Variants in SPAG9 observed in about 807,000 individuals in gnomAD.
SPAG9 encodes the protein sperm associated antigen 9.
SPAG9 carries 35 observed loss-of-function variants against 166.5 expected under a neutral mutation model. The ratio of observed to expected loss-of-function variants is 0.21; its 90% CI spans 0.16 to 0.28. The LOEUF is 0.28. Ranked by LOEUF, SPAG9 falls within the 10% of genes least tolerant of loss-of-function variation. The probability of loss-of-function intolerance (pLI) is 1.00; values close to 1 mark genes in which losing one functional copy is unlikely to be tolerated. For missense variants in SPAG9, 1,235 were observed against 1,603.3 expected (o/e 0.77, Z 3.92); for synonymous variants, 534 against 565.5 (o/e 0.94, Z 0.79).
chr17:51,112,477 C>T (rs1598204042), intron 1 of SPAG9, among the ~76,000 whole-genome samples: 2 of 151,330 alleles, frequency 1.3e-5, no homozygotes, highest in African/African-American at 4.8e-5. Flanking sequence ...TCAAGACCAT[C>T]CTGGCCAACA....
At chr17:51,021,745 CAGA>C (rs2045944745) in intron 6 of SPAG9, among the ~76,000 whole-genome samples, 1 of 152,108 alleles carries the variant, frequency 6.6e-6, no homozygotes, top group African/African-American at 2.4e-5. Flanking sequence ...TGATCTAAAA[CAGA>C]AGTAGAATAA....
intron 19 of SPAG9, 179 bp from the exon 20 acceptor site, chr17:50,990,847 A>G (rs1975483962): frequency 3.4e-6 from 2 of 582,640 alleles, no homozygotes; most frequent in Non-Finnish European, 6.1e-6. Flanking sequence ...AACTTAAAAA[A>G]TTAAGAAAAT....
At chr17:51,105,067 G>A (rs962153379) in intron 1 of SPAG9, among the ~76,000 whole-genome samples, 1 of 152,048 alleles carries the variant, frequency 6.6e-6, no homozygotes, top group African/African-American at 2.4e-5. Context: ...CTGCACTCCA[G>A]CCTAGGCGAC....
At chr17:50,995,697 T>C in intron 16 of SPAG9, 164 bp from the exon 17 acceptor site, 5 of 599,142 alleles carry the variant, frequency 8.3e-6, no homozygotes, top group Non-Finnish European at 1.5e-5. Flanking sequence ...AGGGTCGCTC[T>C]ACTGCCCAGG....
At chr17:51,060,352 A>G (rs1311394403) in intron 2 of SPAG9, among the ~76,000 whole-genome samples, 1 of 151,742 alleles carries the variant, frequency 6.6e-6, no homozygotes, top group Admixed American at 6.6e-5. Context: ...AAAATACAAA[A>G]ATTAGCCAGG....
At chr17:51,112,749 C>T (rs1485957487) in intron 1 of SPAG9, among the ~76,000 whole-genome samples, 1 of 148,512 alleles carries the variant, frequency 6.7e-6, no homozygotes, top group Non-Finnish European at 1.5e-5. Flanking sequence ...CCAGGAGTTC[C>T]AGACCAGACT....
rs1437327823 is a variant in SPAG9 at position 51,089,645 on chromosome 17, TATATATATATATATATATAC to T, written c.304-9961_304-9942del. On this transcript the variant is annotated intron_variant, in intron 1 of 29. Transcript: ENST00000262013. ...TTATATATATATATATATATATATA[TATATATATATATATATATAC>T]ACATACACACACACACTTTCTTTTT... Among the ~76,000 whole-genome samples the T allele has an allele frequency of 7.1e-3, 643 of 90,284 alleles. 7 individuals are homozygous for T. Among genetic ancestry groups the T allele is most frequent in the Non-Finnish European group, 0.01 (485 of 47,602 alleles). 59.2% of individuals were successfully genotyped at this position (90,284 alleles called of 152,430 possible). A position where few individuals can be genotyped will look rare whatever the true frequency, so the allele number is the denominator to read the frequency against.
intron 1 of SPAG9, among the ~76,000 whole-genome samples, chr17:51,109,886 A>AT (rs1480564518): frequency 6.6e-6 from 1 of 151,634 alleles, no homozygotes; most frequent in Admixed American, 6.6e-5. Context: ...TAATTTTTAT[A>AT]TTTTTTGTAG....
At chr17:50,968,821 T>C (rs1308286522) in intron 29 of SPAG9, among the ~76,000 whole-genome samples, 1 of 152,224 alleles carries the variant, frequency 6.6e-6, no homozygotes, top group Non-Finnish European at 1.5e-5. Flanking sequence ...GCATCAGTTC[T>C]CCATGTTTTC....
rs543051317 is a variant in SPAG9, at chr17:50,994,916, T to C, written c.2226+141A>G. 29 of 598,756 alleles carry C rather than the reference T, an allele frequency of 4.8e-5. No individual in the cohort carries two copies. In the South Asian group the frequency reaches 6.1e-4, roughly 13 times the overall value. The allele number at this position is 598,756 out of a possible 1,614,324, so 37.1% of individuals were successfully genotyped here. On this transcript the variant is annotated intron_variant, in intron 18 of 29. Transcript: ENST00000262013. ...TAAATTATACCTCAATATTTTAAAA[T>C]TGATTTTAAAAGGGTGCTGAGGGAC...
chr17:51,032,183 C>G (rs953453861), intron 5 of SPAG9, among the ~76,000 whole-genome samples: 3 of 151,966 alleles, frequency 2.0e-5, no homozygotes, highest in Non-Finnish European at 4.4e-5. Flanking sequence ...TTTTTTGAGA[C>G]ACGGTCTCAC....
chr17:51,069,027 G>T (rs2047747815), intron 2 of SPAG9, among the ~76,000 whole-genome samples: 1 of 151,962 alleles, frequency 6.6e-6, no homozygotes, highest in Admixed American at 6.6e-5. Flanking sequence ...AGAAACAGCT[G>T]ATATATATTG....
chr17:51,090,917 G>C (rs1319539103), intron 1 of SPAG9, among the ~76,000 whole-genome samples: 1 of 152,100 alleles, frequency 6.6e-6, no homozygotes, highest in Non-Finnish European at 1.5e-5. Flanking sequence ...AAATCACATA[G>C]TTCAAGTCTG....
Position 50,987,227 on chromosome 17 carries a change from C to T in SPAG9, c.2824G>A (p.Asp942Asn). 6.2e-7 allele frequency: 1 copy of T among 1,606,676 alleles called. No homozygotes were observed. Among genetic ancestry groups the T allele is most frequent in the Middle Eastern group, 1.7e-4 (1 of 6,040 alleles). ...SPVYQSSNDS[D>N]AYKDQISVLP... ...ACTGATATTTGATCTTTATATGCATCTGAGTCATTGCTGGAAAGGGAGGGC... is the reference window on the plus strand; with the variant it reads ...ACTGATATTTGATCTTTATATGCATTTGAGTCATTGCTGGAAAGGGAGGGC... The change falls in exon 22 of 30, where the codon GAT becomes AAT. Residue 942 changes from aspartate to asparagine, a missense_variant. Asp to Asn is a conservative substitution (Grantham distance 23). This residue lies in a region of SPAG9 where 493 missense variants were observed against 559.4 expected (regional missense o/e 0.88). Coordinates refer to ENST00000262013, the MANE Select transcript of SPAG9 (RefSeq NM_001130528.3).
intron 9 of SPAG9, chr17:51,009,278 C>T (rs2045360272): frequency 5.7e-6 from 2 of 349,038 alleles, no homozygotes; most frequent in South Asian, 2.3e-5. Flanking sequence ...AAACCATTAA[C>T]TAAACACAAT....
At chr17:51,046,061 A>G (rs1372335730) in intron 4 of SPAG9, among the ~76,000 whole-genome samples, 2 of 152,230 alleles carry the variant, frequency 1.3e-5, no homozygotes, top group Non-Finnish European at 2.9e-5. Context: ...ATGATACCTG[A>G]AACTCTATCA....
intron 19 of SPAG9, among the ~76,000 whole-genome samples, chr17:50,992,289 C>T (rs1975644723): frequency 6.6e-6 from 1 of 152,026 alleles, no homozygotes; most frequent in South Asian, 2.1e-4. Context: ...AATATTTGTC[C>T]TTTTGTGTCC....
intron 1 of SPAG9, among the ~76,000 whole-genome samples, chr17:51,116,413 A>G (rs376572738): frequency 5.5e-4 from 83 of 152,188 alleles, no homozygotes; most frequent in African/African-American, 2.0e-3. Context: ...AAACCCTAAC[A>G]TACCCAGTTA....
At chr17:51,091,384 C>A (rs1187292731) in intron 1 of SPAG9, among the ~76,000 whole-genome samples, 1 of 151,998 alleles carries the variant, frequency 6.6e-6, no homozygotes, top group Non-Finnish European at 1.5e-5. Context: ...AAGTTGGTCA[C>A]CCTCTACTAC....
Sources: allele counts gnomAD v4.1 joint callset (sites outside exome capture counted in the v4.1 genomes callset), GRCh38; gene constraint gnomAD v4.1.1; regional missense constraint gnomAD v4.1.1; transcripts MANE v1.5; gene names NCBI Gene and HGNC (gene_info 2026-07-23, HGNC 2026-07-21).